Variants in KLHL11 observed in about 807,000 individuals in gnomAD.
KLHL11 encodes the protein kelch-like protein 11.
A neutral mutation model predicts 56.1 loss-of-function variants in KLHL11; 26 were observed. The observed-to-expected ratio is 0.46, with a 90% CI of 0.34 to 0.64. The LOEUF (loss-of-function observed/expected upper bound fraction) is 0.64. Among genes scored for constraint, KLHL11 ranks in the 30% least tolerant of loss-of-function variants. KLHL11 has a pLI of 0.01. For synonymous variants in KLHL11, 338 were observed against 345.8 expected, an observed-to-expected ratio of 0.98 and a Z score of 0.25; for missense variants, 627 against 919.4, an observed-to-expected ratio of 0.68 and a Z score of 4.11.
In KLHL11 at chr17:41,865,374, G is replaced by C; in HGVS notation, c.-4C>G. 2 of 1,407,640 alleles carry C rather than the reference G, an allele frequency of 1.4e-6. No homozygotes were observed. Among genetic ancestry groups the C allele is most frequent in the Non-Finnish European group, 1.8e-6 (2 of 1,082,996 alleles). 87.2% of individuals were successfully genotyped at this position (1,407,640 alleles called of 1,614,324 possible). Reference sequence around the variant, plus strand: ...CCGCCACTGCCGCAGCCGCCATCTTGACGCCGCTGCGCCCGGCCTCCACAG... The same window carrying C: ...CCGCCACTGCCGCAGCCGCCATCTTCACGCCGCTGCGCCCGGCCTCCACAG... On this transcript the variant is annotated 5_prime_UTR_variant, in exon 1 of 2. Coordinates refer to ENST00000319121, the MANE Select transcript of KLHL11 (RefSeq NM_018143.3).
At chr17:41,861,686 C>CA (rs71155178) in intron 1 of KLHL11, among the ~76,000 whole-genome samples, 639 of 61,728 alleles carry the variant, frequency 0.01, 15 homozygotes, top group African/African-American at 0.023. Context: ...ACTCTTGTCT[C>CA]AAAAAAAAAA....
chr17:41,853,861 G>C lies in KLHL11; in HGVS notation c.2006C>G (p.Thr669Arg). 1.9e-6 allele frequency: 3 copies of C among 1,614,160 alleles called. No homozygotes were observed. Among genetic ancestry groups the C allele is most frequent in the Non-Finnish European group, 1.7e-6 (2 of 1,180,036 alleles). ...VRIPYRYLHG[T>R]QRYPMPQNLM... ...GTTTTGAGGCATAGGGTATCTCTGT[G>C]TGCCATGCAAGTACCGGTATGGGAT... The change falls in exon 2 of 2, where the codon ACA becomes AGA. Residue 669 changes from threonine (T) to arginine (R), a missense_variant. By Grantham distance (71) the Thr-to-Arg change is moderately conservative. Around this residue, in one of 4 missense-constraint regions of KLHL11, gnomAD observed 250 missense variants for 360.6 expected, o/e 0.69. Coordinates refer to ENST00000319121, the MANE Select transcript of KLHL11 (RefSeq NM_018143.3).
At position 41,854,220 on chromosome 17, in the gene KLHL11, G is replaced by A. The variant is rs1555622257; in HGVS notation, c.1647C>T (p.Phe549=). ...SLPLIDNYCF[F]QMSVVNSNFY... ...AGTTTGAATTGACCACAGACATTTG[G>A]AAAAAGCAGTAATTGTCAATAAGCG... The change falls in exon 2 of 2, where the codon TTC becomes TTT. Residue 549 remains phenylalanine, a synonymous_variant. Coordinates refer to ENST00000319121, the MANE Select transcript of KLHL11 (RefSeq NM_018143.3). This position sits in a 1 kb window ranked among gnomAD's most constrained non-coding sequence, Gnocchi z 4.9. 1 of 1,614,116 alleles carries A rather than the reference G, an allele frequency of 6.2e-7. No individual in the cohort carries two copies. Among genetic ancestry groups the A allele is most frequent in the Non-Finnish European group, 8.5e-7 (1 of 1,180,016 alleles).
rs782178567 is a variant in KLHL11, at chr17:41,853,708, G to T, written c.*32C>A. ...GTATCTTCAGCTTCACGAAACGGGTGTAACAGTTTTAATCGGCACGCTTGA... is the reference window on the plus strand; with the variant it reads ...GTATCTTCAGCTTCACGAAACGGGTTTAACAGTTTTAATCGGCACGCTTGA... On this transcript the variant is annotated 3_prime_UTR_variant, in exon 2 of 2. Coordinates refer to ENST00000319121, the MANE Select transcript of KLHL11 (RefSeq NM_018143.3). The T allele has an allele frequency of 6.4e-7, 1 of 1,574,390 alleles. No homozygotes were observed.
At position 41,854,002 on chromosome 17, in the gene KLHL11, T is replaced by G; in HGVS notation, c.1865A>C (p.Asp622Ala). The change falls in exon 2 of 2, where the codon GAT becomes GCT. Residue 622 changes from aspartate to alanine, a missense_variant. By Grantham distance (126) the Asp-to-Ala change is moderately radical (BLOSUM62 -2). Around this residue, in one of 4 missense-constraint regions of KLHL11, gnomAD observed 250 missense variants for 360.6 expected, o/e 0.69. Coordinates refer to ENST00000319121, the MANE Select transcript of KLHL11 (RefSeq NM_018143.3). This position sits in a 1 kb window ranked among gnomAD's most constrained non-coding sequence, Gnocchi z 4.9. The stretch of plus-strand genomic sequence containing the variant: ...TTCTTTCCGATACTGTTTATCAATA[T>G]CATCACTGTTTTTCCAGCCTCCTAT... The part of the protein sequence containing the change: ...FIIGGWKNSD[D>A]IDKQYRKEAY... 1 of 1,614,230 alleles carries G rather than the reference T, an allele frequency of 6.2e-7. No individual in the cohort carries two copies. Among genetic ancestry groups the G allele is most frequent in the Non-Finnish European group, 8.5e-7 (1 of 1,180,030 alleles).
chr17:41,859,552 C>T (rs975854963), intron 1 of KLHL11, among the ~76,000 whole-genome samples: 9 of 150,858 alleles, frequency 6.0e-5, no homozygotes, highest in African/African-American at 1.5e-4. Context: ...GAATGAGATG[C>T]TATCTCAAAA....
At chr17:41,856,974 T>C (rs140899664) in intron 1 of KLHL11, among the ~76,000 whole-genome samples, 2,923 of 151,828 alleles carry the variant, frequency 0.019, 47 homozygotes, top group Middle Eastern at 0.031. Context: ...GAGCTGAGAT[T>C]GCGCCACTGC....
At position 41,852,518 on chromosome 17, in the gene KLHL11, C is replaced by T. The variant is rs897687866; in HGVS notation, c.*1222G>A. On this transcript the variant is annotated 3_prime_UTR_variant, in exon 2 of 2. Coordinates refer to ENST00000319121, the MANE Select transcript of KLHL11 (RefSeq NM_018143.3). ...GTAGAAAAGAATAATGGACTGGGCA[C>T]GGTGGCTCATGCCTGTAATCCCAGC... Among the ~76,000 whole-genome samples, 4 of 151,878 alleles carry T rather than the reference C, an allele frequency of 2.6e-5. No individual in the cohort carries two copies. Among genetic ancestry groups the T allele is most frequent in the Admixed American group, 6.6e-5 (1 of 15,228 alleles).
In KLHL11 at chr17:41,865,347, C is replaced by A. The variant is rs1404398505; in HGVS notation, c.24G>T (p.Ala8=). The stretch of plus-strand genomic sequence containing the variant: ...ATGCAGCCGCGGCCGCCGCCGCCGC[C>A]GCCGCCACTGCCGCAGCCGCCATCT... MAAAAVA[A]AAAAAAAASL... Residue 8 remains alanine, a synonymous_variant, in exon 1 of 2, where the codon GCG becomes GCT. Transcript: ENST00000319121. 1.0e-5 allele frequency: 15 copies of A among 1,443,892 alleles called. No individual in the cohort carries two copies. The Middle Eastern group carries it at 1.5e-3, about 144-fold the overall frequency. The allele number at this position is 1,443,892 out of a possible 1,614,324, so 89.4% of individuals were successfully genotyped here.
intron 1 of KLHL11, among the ~76,000 whole-genome samples, chr17:41,859,361 C>T (rs1040137141): frequency 5.3e-5 from 8 of 151,988 alleles, no homozygotes; most frequent in African/African-American, 1.2e-4. Context: ...GTCAGGAGTT[C>T]GAGACCACCC....
At position 41,857,068 on chromosome 17, in the gene KLHL11, T is replaced by C. The variant is rs539737159; in HGVS notation, c.546-1747A>G. On this transcript the variant is annotated intron_variant, in intron 1 of 1. Coordinates refer to ENST00000319121, the MANE Select transcript of KLHL11 (RefSeq NM_018143.3). ...ATATAGAGCTGGGCAGGGAGATGCA[T>C]GCCTGTAGTCTCAACTACTCAGGGG... Among the ~76,000 whole-genome samples, 5 of 152,166 alleles carry C rather than the reference T, an allele frequency of 3.3e-5. No homozygotes were observed. In the East Asian group the frequency reaches 5.8e-4, roughly 18 times the overall value.
At position 41,865,169 on chromosome 17, in the gene KLHL11, C is replaced by T; in HGVS notation, c.202G>A (p.Ala68Thr). Residue 68 changes from alanine to threonine, a missense_variant, in exon 1 of 2, where the codon GCC becomes ACC. Physicochemically the swap from Ala to Thr is moderately conservative, Grantham distance 58. Coordinates refer to ENST00000319121, the MANE Select transcript of KLHL11 (RefSeq NM_018143.3). The part of the protein sequence containing the change: ...EASGGDPGPE[A>T]EDFECSSHCS... ...TGAGAGCTGCACTCGAAATCCTCGG[C>T]TTCTGGGCCCGGATCGCCCCCGCTC... 1.2e-6 allele frequency: 2 copies of T among 1,610,424 alleles called. No homozygotes were observed. The highest frequency in any genetic ancestry group is 2.2e-5 in the South Asian group (2 of 90,518).
In KLHL11 at chr17:41,849,836, T is replaced by C. The variant is rs1555621891; in HGVS notation, c.*3904A>G. 1 of 152,140 alleles carries C rather than the reference T, an allele frequency of 6.6e-6. No individual in the cohort carries two copies. The highest frequency in any genetic ancestry group is 1.9e-4 in the East Asian group (1 of 5,202). The allele number at this position is 152,140 out of a possible 1,614,324, so 9.4% of individuals were successfully genotyped here. A position where few individuals can be genotyped will look rare whatever the true frequency, so the allele number is the denominator to read the frequency against. ...TTTTTAAGCCATGGTGGGGTAGATA[T>C]AGTTCAAGGATACCCATTCTAAGAT... On this transcript the variant is annotated 3_prime_UTR_variant, in exon 2 of 2. Coordinates refer to ENST00000319121, the MANE Select transcript of KLHL11 (RefSeq NM_018143.3).
At chr17:41,858,614 A>G (rs2048383408) in intron 1 of KLHL11, among the ~76,000 whole-genome samples, 1 of 151,932 alleles carries the variant, frequency 6.6e-6, no homozygotes, top group South Asian at 2.1e-4. Context: ...TTGTATTTTT[A>G]GTAGAGACAG....
At chr17:41,864,686 A>C (rs1376130297) in intron 1 of KLHL11, 140 bp downstream of exon 1, 1 of 924,666 alleles carries the variant, frequency 1.1e-6, no homozygotes, top group Non-Finnish European at 1.5e-6. Context: ...GCCCCCAAGC[A>C]GGCGCTCAGC....
chr17:41,853,764 C>A lies in KLHL11; in HGVS notation c.2103G>T (p.Val701=), dbSNP rs539841671. ...IHRHALNMRR[V]PSSQIEC is the part of the protein sequence containing the mutation. ...CCTAGCATTCAATCTGAGAGCTTGG[C>A]ACTCGCCTCATGTTCAGGGCGTGAC... Residue 701 remains valine (V), a synonymous_variant, in exon 2 of 2, where the codon GTG becomes GTT. Transcript: ENST00000319121. 1.9e-4 allele frequency: 313 copies of A among 1,612,550 alleles called. 7 individuals are homozygous for A. In the South Asian group the frequency reaches 2.6e-3, roughly 13 times the overall value.
chr17:41,859,140 G>A (rs1378904691), intron 1 of KLHL11, among the ~76,000 whole-genome samples: 1 of 151,846 alleles, frequency 6.6e-6, no homozygotes, highest in Non-Finnish European at 1.5e-5. Flanking sequence ...GGCAGCCAGA[G>A]GGGATGGGGT....
rs1479192160 is a variant in KLHL11, at chr17:41,852,096, C to T, written c.*1644G>A. On this transcript the variant is annotated 3_prime_UTR_variant, in exon 2 of 2. Transcript: ENST00000319121. ...TGGCATGATCACAGCTCATTTCAGC[C>T]TCAACCTTCCCAGGCTCTGGTGATC... is the stretch of plus-strand genomic sequence containing the variant. 6.6e-6 allele frequency among the ~76,000 whole-genome samples: 1 copy of T among 152,098 alleles called. No homozygotes were observed. Among genetic ancestry groups the T allele is most frequent in the African/African-American group, 2.4e-5 (1 of 41,426 alleles).
At position 41,854,249 on chromosome 17, in the gene KLHL11, A is replaced by C. The variant is rs1555622261; in HGVS notation, c.1618T>G (p.Leu540Val). 1 of 1,614,236 alleles carries C rather than the reference A, an allele frequency of 6.2e-7. No homozygotes were observed. Among genetic ancestry groups the C allele is most frequent in the Non-Finnish European group, 8.5e-7 (1 of 1,180,042 alleles). ...AAGCAGTAATTGTCAATAAGCGGCAAAGATTCCACATCTTGCCACTGTCGA... is the reference window on the plus strand; with the variant it reads ...AAGCAGTAATTGTCAATAAGCGGCACAGATTCCACATCTTGCCACTGTCGA... ...ETRQWQDVES[L>V]PLIDNYCFFQ... The change falls in exon 2 of 2, where the codon TTG (leucine) becomes GTG (valine). Residue 540 changes from leucine to valine, a missense_variant. Physicochemically the swap from Leu to Val is conservative, Grantham distance 32 (BLOSUM62 1). Coordinates refer to ENST00000319121, the MANE Select transcript of KLHL11 (RefSeq NM_018143.3). The surrounding 1 kb of genome is among the most constrained non-coding windows in gnomAD (Gnocchi z 4.9).
Sources: gnomAD v4.1 joint callset for allele counts (sites outside exome capture counted in the v4.1 genomes callset) on GRCh38, gnomAD v4.1.1 for gene constraint, gnomAD v4.1.1 regional missense constraint, Gnocchi (gnomAD v3.1) non-coding constraint, MANE v1.5 for transcripts, NCBI Gene and HGNC (gene_info 2026-07-23, HGNC 2026-07-21) for gene names.